The following PUM2 variants were observed in gnomAD, a reference collection of about 807,000 sequenced individuals.
PUM2 encodes the protein pumilio homolog 2.
In PUM2, 57 loss-of-function variants were observed where a neutral mutation model predicts 124.5. That is an observed-to-expected ratio of 0.46 (90% CI 0.37 to 0.57). PUM2 has a LOEUF of 0.57. Among genes scored for constraint, PUM2 ranks in the 20% least tolerant of loss-of-function variants. The pLI is 0.00. For synonymous variants in PUM2, 460 were observed against 446.1 expected, an observed-to-expected ratio of 1.03 and a Z score of -0.39; for missense variants, 1,065 against 1,290.6, an observed-to-expected ratio of 0.83 and a Z score of 2.68.
upstream of PUM2, among the ~76,000 whole-genome samples, chr2:20,351,149 C>T (rs1184436511): frequency 1.3e-5 from 2 of 152,202 alleles, no homozygotes; most frequent in African/African-American, 2.4e-5. Flanking sequence ...CCGCGTGGGG[C>T]CTCGCCTTCT....
intron 7 of PUM2, among the ~76,000 whole-genome samples, chr2:20,302,192 G>A (rs541506265): frequency 9.9e-5 from 15 of 152,116 alleles, no homozygotes; most frequent in Non-Finnish European, 2.1e-4. Flanking sequence ...AATAAAGGCA[G>A]GTGCCAACAC....
At chr2:20,294,310 T>C (rs1369690125) in intron 9 of PUM2, 66 bp downstream of exon 9, 8 of 1,558,414 alleles carry the variant, frequency 5.1e-6, no homozygotes, top group South Asian at 1.2e-5. Flanking sequence ...AACACAAATC[T>C]TAAACATTAG....
chr2:20,320,707 TA>T (rs1471096548), intron 2 of PUM2, among the ~76,000 whole-genome samples: 4 of 152,092 alleles, frequency 2.6e-5, no homozygotes, highest in Non-Finnish European at 4.4e-5. Context: ...TCCCAGTAAG[TA>T]AACTATAACT....
At chr2:20,273,972 T>C (rs563636038) in intron 13 of PUM2, among the ~76,000 whole-genome samples, 6 of 152,188 alleles carry the variant, frequency 3.9e-5, no homozygotes, top group Non-Finnish European at 8.8e-5. Context: ...GAGAGGCTAA[T>C]TAGAATAAGT....
At chr2:20,275,767 A>T (rs1346474076) in intron 13 of PUM2, among the ~76,000 whole-genome samples, 1 of 152,124 alleles carries the variant, frequency 6.6e-6, no homozygotes, top group Non-Finnish European at 1.5e-5. Context: ...TGGGGAAGCA[A>T]TCAGCAAGGT....
rs1670874306 is a variant in PUM2 at position 20,278,884 on chromosome 2, C to G, written c.1721-65G>C. On this transcript the variant is annotated intron_variant, in intron 12 of 20. Transcript: ENST00000361078. Reference sequence around the variant, plus strand: ...TTAACTGAATAAAATCTATCCCCAACTCTCGCTGGGCAATAACAGAAGTGA... The same window carrying G: ...TTAACTGAATAAAATCTATCCCCAAGTCTCGCTGGGCAATAACAGAAGTGA... The G allele has an allele frequency of 2.5e-6, 3 of 1,200,096 alleles. No homozygotes were observed. The Admixed American group carries it at 6.0e-5, about 24-fold the overall frequency. 74.3% of individuals were successfully genotyped at this position (1,200,096 alleles called of 1,614,324 possible).
At chr2:20,313,489 C>T (rs563788088) in intron 3 of PUM2, among the ~76,000 whole-genome samples, 1 of 152,260 alleles carries the variant, frequency 6.6e-6, no homozygotes, top group East Asian at 1.9e-4. Context: ...AGTTAACCTC[C>T]TTTTGACAAT....
intron 14 of PUM2, among the ~76,000 whole-genome samples, chr2:20,261,602 T>TAGGAG (rs1558489945): frequency 6.6e-6 from 1 of 151,262 alleles, no homozygotes; most frequent in Non-Finnish European, 1.5e-5. Flanking sequence ...ACTGTTATCA[T>TAGGAG]AGGAGAGGAC....
chr2:20,254,544 T>A (rs1257940037), intron 19 of PUM2, among the ~76,000 whole-genome samples: 1 of 152,144 alleles, frequency 6.6e-6, no homozygotes, highest in African/African-American at 2.4e-5. Context: ...CTCTTAAAAT[T>A]GTACTTCAAA....
chr2:20,278,570 G>GC lies in PUM2; in HGVS notation c.1957+12_1957+13insG. ...ATACATACAAATAAAAAGGGTTTTG[G>GC]TTTTTTTTTTACCTAAATGCAAACT... On this transcript the variant is annotated intron_variant, in intron 13 of 20. Coordinates refer to ENST00000361078, the MANE Select transcript of PUM2 (RefSeq NM_015317.5). The GC allele has an allele frequency of 7.4e-7, 1 of 1,352,880 alleles. No individual in the cohort carries two copies. Among genetic ancestry groups the GC allele is most frequent in the Non-Finnish European group, 1.0e-6 (1 of 981,874 alleles). 83.8% of individuals were successfully genotyped at this position (1,352,880 alleles called of 1,614,324 possible).
At chr2:20,330,989 T>C (rs192049312) in intron 1 of PUM2, among the ~76,000 whole-genome samples, 2 of 152,294 alleles carry the variant, frequency 1.3e-5, no homozygotes, top group East Asian at 1.9e-4. Flanking sequence ...TGTGGGATCA[T>C]AGAAGTGTTC....
chr2:20,255,418 T>TG, intron 17 of PUM2, 77 bp from the exon 18 acceptor site: 1 of 1,373,204 alleles, frequency 7.3e-7, no homozygotes, highest in Non-Finnish European at 9.8e-7. Context: ...CTGGTTTGTT[T>TG]TTTTTTTTTT....
At chr2:20,266,381 G>A (rs1007156757) in intron 13 of PUM2, among the ~76,000 whole-genome samples, 3 of 151,580 alleles carry the variant, frequency 2.0e-5, no homozygotes, top group Admixed American at 6.6e-5. Context: ...GGAGGCAGAG[G>A]TTGCAATGAG....
rs1685793846 is a variant in PUM2 at position 20,335,435 on chromosome 2, C to A, written c.-18-8057G>T. Among the ~76,000 whole-genome samples, 3 of 152,272 alleles carry A rather than the reference C, an allele frequency of 2.0e-5. No homozygotes were observed. In the South Asian group the frequency reaches 6.2e-4, roughly 32 times the overall value. ...TCCAGGTTTAGGTATTTATAGGAGA[C>A]CATTAGCCTTTAAAGATTTAACAAA... On this transcript the variant is annotated intron_variant, in intron 1 of 20. Coordinates refer to ENST00000361078, the MANE Select transcript of PUM2 (RefSeq NM_015317.5).
intron 12 of PUM2, 47 bp downstream of exon 12, chr2:20,282,900 T>C (rs1224330556): frequency 1.3e-6 from 2 of 1,560,282 alleles, no homozygotes; most frequent in Non-Finnish European, 8.7e-7. Context: ...CACACTCATA[T>C]ACCTCTTCCA....
At chr2:20,321,354 G>A (rs920222290) in intron 2 of PUM2, among the ~76,000 whole-genome samples, 2 of 152,128 alleles carry the variant, frequency 1.3e-5, no homozygotes, top group Admixed American at 6.6e-5. Flanking sequence ...GGGGAGGGGA[G>A]TCTGTAAACC....
rs1485211352 is a variant in PUM2, at chr2:20,255,343, T to C, written c.2623-2A>G. On this transcript the variant is annotated splice_acceptor_variant, in intron 17 of 20. Transcript: ENST00000361078. LOFTEE classifies it high-confidence loss of function. ...AGGATGAGTTGAAAGCACAAATACC[T>C]GAGGACAATTAGAAGAATTAAAATT... 6.2e-7 allele frequency: 1 copy of C among 1,610,228 alleles called. No homozygotes were observed. Among genetic ancestry groups the C allele is most frequent in the Admixed American group, 1.7e-5 (1 of 59,868 alleles).
intron 8 of PUM2, among the ~76,000 whole-genome samples, chr2:20,295,131 A>C (rs997390340): frequency 3.3e-5 from 5 of 152,218 alleles, no homozygotes; most frequent in Non-Finnish European, 7.4e-5. Flanking sequence ...ACAAGAAAGC[A>C]CTAGATAATA....
At chr2:20,290,400 T>C (rs1199525006) in intron 10 of PUM2, among the ~76,000 whole-genome samples, 29 of 151,746 alleles carry the variant, frequency 1.9e-4, no homozygotes, top group Admixed American at 1.9e-3. Flanking sequence ...AGATAGATGC[T>C]ATAAAAAAAT....
Sources: gnomAD v4.1 joint callset for allele counts (sites outside exome capture counted in the v4.1 genomes callset) on GRCh38, gnomAD v4.1.1 for gene constraint, MANE v1.5 for transcripts, NCBI Gene and HGNC (gene_info 2026-07-23, HGNC 2026-07-21) for gene names.